The following DDX17 variants were observed in gnomAD, a reference collection of about 807,000 sequenced individuals.
DDX17 encodes the protein DEAD-box helicase 17, also known as probable ATP-dependent RNA helicase DDX17.
In DDX17, 10 loss-of-function variants were observed where a neutral mutation model predicts 80.8. That is an observed-to-expected ratio of 0.12 (90% CI 0.08 to 0.21). The LOEUF (loss-of-function observed/expected upper bound fraction) is 0.21. DDX17 is among the 10% of genes least tolerant of loss of function. The probability of loss-of-function intolerance (pLI) is 1.00; values close to 1 mark genes in which losing one functional copy is unlikely to be tolerated. For missense variants in DDX17, 586 were observed against 957.4 expected, an observed-to-expected ratio of 0.61 and a Z score of 5.12; for synonymous variants, 339 against 336.2, an observed-to-expected ratio of 1.01 and a Z score of -0.09.
rs888957752 is a variant in DDX17, at chr22:38,494,394, T to A, written c.1214+236A>T. The A allele has an allele frequency of 1.5e-5, 9 of 605,830 alleles. No individual in the cohort carries two copies. In the African/African-American group the frequency reaches 1.7e-4, roughly 11 times the overall value. 37.5% of individuals were successfully genotyped at this position (605,830 alleles called of 1,614,324 possible). ...ACTGCAGCACCAAGACACAAAATTG[T>A]GCAAAATTATACAGCTTGTAATCAG... On this transcript the variant is annotated intron_variant, in intron 8 of 12. Transcript: ENST00000403230.
intron 11 of DDX17, chr22:38,490,294 A>T: frequency 4.7e-6 from 6 of 1,270,158 alleles, no homozygotes; most frequent in Non-Finnish European, 6.1e-6. Context: ...TTTTGTCTGA[A>T]AGGCCCTATG....
rs750984048 is a variant in DDX17, at chr22:38,506,061, C to A, written c.177G>T (p.Pro59=). 23 of 1,584,006 alleles carry A rather than the reference C, an allele frequency of 1.5e-5. No individual in the cohort carries two copies. Among genetic ancestry groups the A allele is most frequent in the Non-Finnish European group, 1.8e-5 (21 of 1,166,218 alleles). Residue 59 remains proline (P), a synonymous_variant, in exon 1 of 13, where the codon CCG becomes CCT. Transcript: ENST00000403230. Reference sequence around the variant, plus strand: ...GGATGGCCGGGCTCGGGAGGGCCTGCGGCTCCGGTCTGGTGACGACCGATG... The same window carrying A: ...GGATGGCCGGGCTCGGGAGGGCCTGAGGCTCCGGTCTGGTGACGACCGATG...
Position 38,489,007 on chromosome 22 carries a change from T to A in DDX17, c.1448-892A>T. 1 of 985,362 alleles carries A rather than the reference T, an allele frequency of 1.0e-6. No individual in the cohort carries two copies. The allele number at this position is 985,362 out of a possible 1,614,324, so 61.0% of individuals were successfully genotyped here. ...CTCTACTGCTGGGAATTGGGCTGAATAACCTCCTAAGGCTTAAAATGTAAA... is the reference window on the plus strand; with the variant it reads ...CTCTACTGCTGGGAATTGGGCTGAAAAACCTCCTAAGGCTTAAAATGTAAA... On this transcript the variant is annotated intron_variant, in intron 11 of 12. Coordinates refer to ENST00000403230, the MANE Select transcript of DDX17 (RefSeq NM_006386.5). The surrounding 1 kb of genome is among the most constrained non-coding windows in gnomAD (Gnocchi z 4.6).
At position 38,489,425 on chromosome 22, in the gene DDX17, T is replaced by C; in HGVS notation, c.1448-1310A>G. ...CTGTGAACTGGCTTAGATGCTTCTC[T>C]GTAGCCCCATTTGGTTGCCAAGCGC... is the stretch of plus-strand genomic sequence containing the variant. On this transcript the variant is annotated intron_variant, in intron 11 of 12. Transcript: ENST00000403230. This position sits in a 1 kb window ranked among gnomAD's most constrained non-coding sequence, Gnocchi z 4.6. The C allele has an allele frequency of 2.0e-6, 2 of 985,826 alleles. No homozygotes were observed. Among genetic ancestry groups the C allele is most frequent in the Non-Finnish European group, 2.4e-6 (2 of 829,920 alleles). The allele number at this position is 985,826 out of a possible 1,614,324, so 61.1% of individuals were successfully genotyped here.
At chr22:38,488,191 G>C in intron 11 of DDX17, 76 bp from the exon 12 acceptor site, 1 of 1,608,394 alleles carries the variant, frequency 6.2e-7, no homozygotes, top group Non-Finnish European at 8.5e-7. Flanking sequence ...GCCAACAACA[G>C]GTGGGAAGCA....
In DDX17 at chr22:38,493,950, T is replaced by C. The variant is rs1036113414; in HGVS notation, c.1325+71A>G. 3 of 1,342,278 alleles carry C rather than the reference T, an allele frequency of 2.2e-6. No individual in the cohort carries two copies. The South Asian group carries it at 3.8e-5, about 17-fold the overall frequency. The allele number at this position is 1,342,278 out of a possible 1,614,324, so 83.1% of individuals were successfully genotyped here. The stretch of plus-strand genomic sequence containing the variant: ...GCATTATTGAAATATTACACAACAT[T>C]TGGAATACCAATTTAGAAATTTCCA... On this transcript the variant is annotated intron_variant, in intron 9 of 12. Coordinates refer to ENST00000403230, the MANE Select transcript of DDX17 (RefSeq NM_006386.5).
Position 38,489,190 on chromosome 22 carries a change from AT to A in DDX17, c.1448-1076del, listed in dbSNP as rs1367667448. 1 of 985,536 alleles carries A rather than the reference AT, an allele frequency of 1.0e-6. No homozygotes were observed. The highest frequency in any genetic ancestry group is 1.1e-4 in the East Asian group (1 of 8,828). 61.0% of individuals were successfully genotyped at this position (985,536 alleles called of 1,614,324 possible). The stretch of plus-strand genomic sequence containing the variant: ...TAGATAAAACACAGATTTTTGTGAT[AT>A]AAATAATTAAAAAACATTCTCTGTT... On this transcript the variant is annotated intron_variant, in intron 11 of 12. Transcript: ENST00000403230. The surrounding 1 kb of genome is among the most constrained non-coding windows in gnomAD (Gnocchi z 4.6).
At chr22:38,492,527 C>T (rs997085284) in intron 10 of DDX17, among the ~76,000 whole-genome samples, 1 of 152,140 alleles carries the variant, frequency 6.6e-6, no homozygotes, top group East Asian at 1.9e-4. Context: ...GCTCTTATTG[C>T]CGAGGCTGGA....
intron 11 of DDX17, 187 bp downstream of exon 11, chr22:38,491,869 C>CAA (rs1274987287): frequency 2.4e-6 from 1 of 419,494 alleles, no homozygotes; most frequent in African/African-American, 3.3e-5. Context: ...TGGGGGAAAC[C>CAA]AAAGTTAAAA....
At chr22:38,504,981 T>A (rs149738890) in intron 1 of DDX17, among the ~76,000 whole-genome samples, 4,970 of 152,308 alleles carry the variant, frequency 0.033, 101 homozygotes, top group African/African-American at 0.053. Flanking sequence ...CGATCTCGGC[T>A]CACTGCAACC....
At chr22:38,505,724 G>A (rs2089874681) in intron 1 of DDX17, 2 of 528,320 alleles carry the variant, frequency 3.8e-6, no homozygotes, top group South Asian at 2.7e-5. Context: ...GCGCCACGAC[G>A]GCCGTCCGCA....
intron 2 of DDX17, 69 bp downstream of exon 2, chr22:38,501,061 G>T: frequency 6.5e-7 from 1 of 1,538,470 alleles, no homozygotes; most frequent in South Asian, 1.3e-5. Flanking sequence ...AGTAGCGTAT[G>T]AATAAACTCT....
chr22:38,501,085 A>G, intron 2 of DDX17, 45 bp downstream of exon 2: 1 of 1,588,316 alleles, frequency 6.3e-7, no homozygotes, highest in Non-Finnish European at 8.6e-7. Context: ...CAATATATCT[A>G]CTTGGTTCAA....
At chr22:38,502,170 G>A (rs1395258509) in intron 1 of DDX17, among the ~76,000 whole-genome samples, 2 of 152,170 alleles carry the variant, frequency 1.3e-5, no homozygotes, top group Non-Finnish European at 2.9e-5. Context: ...CAGCACTTTG[G>A]GAGGCGGAGG....
Position 38,485,788 on chromosome 22 carries a change from G to C in DDX17, c.*147C>G, listed in dbSNP as rs1212926733. On this transcript the variant is annotated 3_prime_UTR_variant, in exon 13 of 13. Transcript: ENST00000403230. The stretch of plus-strand genomic sequence containing the variant: ...GAATTCTAACTAATCTGCATGAAAA[G>C]ACAAATCACGATGGTTGGGGGGAAA... 1 of 1,164,436 alleles carries C rather than the reference G, an allele frequency of 8.6e-7. No homozygotes were observed. The highest frequency in any genetic ancestry group is 1.1e-6 in the Non-Finnish European group (1 of 908,958). The allele number at this position is 1,164,436 out of a possible 1,614,324, so 72.1% of individuals were successfully genotyped here. A position where few individuals can be genotyped will look rare whatever the true frequency, so the allele number is the denominator to read the frequency against.
chr22:38,490,865 T>G (rs573810095), intron 11 of DDX17: 1 of 174,716 alleles, frequency 5.7e-6, no homozygotes, highest in African/African-American at 2.4e-5. Context: ...TGAGTGGGGG[T>G]GGGATGAAGA....
At position 38,506,248 on chromosome 22, in the gene DDX17, G is replaced by A. The variant is rs2089883152; in HGVS notation, c.-11C>T. ...AAAGCCGGTGGGCAGGTTTGGCTAC[G>A]CTCAAACCGGGCAGTGCCGCGGTTT... On this transcript the variant is annotated 5_prime_UTR_variant, in exon 1 of 13. Coordinates refer to ENST00000403230, the MANE Select transcript of DDX17 (RefSeq NM_006386.5). 1 of 1,595,486 alleles carries A rather than the reference G, an allele frequency of 6.3e-7. No individual in the cohort carries two copies. The highest frequency in any genetic ancestry group is 8.5e-7 in the Non-Finnish European group (1 of 1,172,518).
intron 11 of DDX17, chr22:38,490,284 T>G: frequency 7.9e-7 from 1 of 1,267,896 alleles, no homozygotes; most frequent in East Asian, 5.6e-5. Flanking sequence ...GATAAGAACC[T>G]TTTGTCTGAA....
chr22:38,492,027 C>T (rs749346263), intron 11 of DDX17, 29 bp downstream of exon 11: 2 of 1,524,516 alleles, frequency 1.3e-6, no homozygotes, highest in South Asian at 1.2e-5. Context: ...ATACATATAC[C>T]ATTGACAGAG....
Sources: allele counts gnomAD v4.1 joint callset (sites outside exome capture counted in the v4.1 genomes callset), GRCh38; gene constraint gnomAD v4.1.1; non-coding constraint Gnocchi (gnomAD v3.1); transcripts MANE v1.5; gene names NCBI Gene and HGNC (gene_info 2026-07-23, HGNC 2026-07-21).